The following SLC26A11 variants were observed in gnomAD, a reference collection of about 807,000 sequenced individuals.
The protein encoded by SLC26A11 is solute carrier family 26 member 11.
Under a neutral mutation model 62.2 loss-of-function variants are expected in SLC26A11, and 58 were observed. That is an observed-to-expected ratio of 0.93 (90% confidence interval 0.76 to 1.16). The LOEUF (loss-of-function observed/expected upper bound fraction) is 1.16, where lower values mean the gene tolerates loss of function less well. Among genes scored for constraint, SLC26A11 ranks in the 50% most tolerant of loss-of-function variants. The pLI, the probability that SLC26A11 is intolerant of heterozygous loss-of-function variation, is 0.00. For missense variants in SLC26A11, 790 were observed against 794.3 expected (o/e 0.99, Z 0.06); for synonymous variants, 411 against 368.9 (o/e 1.11, Z -1.31).
In SLC26A11 at chr17:80,222,681, C is replaced by G. The variant is rs1567941217; in HGVS notation, c.261C>G (p.Gly87=). 1.9e-6 allele frequency: 3 copies of G among 1,614,018 alleles called. No homozygotes were observed. In the African/African-American group the frequency reaches 4.0e-5, roughly 22 times the overall value. ...ATGGCCTCTACTCTGCCTTCATGGG[C>G]TGCTTCGTGTATTTCTTCCTGGGCA... ...PQYGLYSAFM[G]CFVYFFLGTS... Residue 87 remains glycine (G), a synonymous_variant, in exon 4 of 18, where the codon GGC becomes GGG. Coordinates refer to ENST00000361193, the MANE Select transcript of SLC26A11 (RefSeq NM_001166347.2). The surrounding 1 kb of genome is among the most constrained non-coding windows in gnomAD (Gnocchi z 4.7).
chr17:80,247,117 A>C (rs2043022968), intron 13 of SLC26A11, among the ~76,000 whole-genome samples: 1 of 150,222 alleles, frequency 6.7e-6, no homozygotes, highest in Non-Finnish European at 1.5e-5. Flanking sequence ...TGTTTCTTGC[A>C]GAGGGGGATT....
chr17:80,243,586 G>A (rs1181661552), intron 10 of SLC26A11, among the ~76,000 whole-genome samples: 3 of 152,140 alleles, frequency 2.0e-5, no homozygotes, highest in Admixed American at 1.3e-4. Context: ...TTAGTAGGAC[G>A]AGGTTTTGCC....
rs771689113 is a variant in SLC26A11 at position 80,237,562 on chromosome 17, T to C, written c.953T>C (p.Leu318Pro). The change falls in exon 9 of 18, where the codon CTC (leucine) becomes CCC (proline). Residue 318 changes from leucine (L) to proline (P), a missense_variant. Transcript: ENST00000361193. ...CTGGCCGTGGTGCCCCTGATGGGCC[T>C]CCTGGAGAGCATTGCGGTGGCCAAA... Reference protein sequence around the residue: ...AGLAVVPLMGLLESIAVAKAF... With the variant: ...AGLAVVPLMGPLESIAVAKAF... The C allele has an allele frequency of 6.8e-6, 11 of 1,612,308 alleles. No homozygotes were observed. Among genetic ancestry groups the C allele is most frequent in the Non-Finnish European group, 9.3e-6 (11 of 1,179,418 alleles).
In SLC26A11 at chr17:80,227,924, C is replaced by T. The variant is rs545801150; in HGVS notation, c.700C>T (p.Arg234Trp). 1.1e-5 allele frequency: 18 copies of T among 1,600,670 alleles called. No homozygotes were observed. The highest frequency in any genetic ancestry group is 1.7e-4 in the Middle Eastern group (1 of 6,056). ...CCACCCCGAGATGCCCCCTGGTGTG[C>T]GGCTCAGCCGTGGGCTGGTCTGGGC... ...PVHPEMPPGVRLSRGLVWAAT... is the reference protein window; with the variant it reads ...PVHPEMPPGVWLSRGLVWAAT... Residue 234 changes from arginine (R) to tryptophan (W), a missense_variant, in exon 7 of 18, where the codon CGG (arginine) becomes TGG (tryptophan). Transcript: ENST00000361193.
chr17:80,237,063 C>G lies in SLC26A11; in HGVS notation c.872C>G (p.Thr291Ser). ...PPVRIPPFSV[T>S]TANGTISFTE... Reference sequence around the variant, plus strand: ...GTCCGGATCCCGCCCTTCTCAGTGACCACAGCCAACGGGACGATCTCCTTC... The same window carrying G: ...GTCCGGATCCCGCCCTTCTCAGTGAGCACAGCCAACGGGACGATCTCCTTC... The change falls in exon 8 of 18, where the codon ACC becomes AGC. Residue 291 changes from threonine (T) to serine (S), a missense_variant. Coordinates refer to ENST00000361193, the MANE Select transcript of SLC26A11 (RefSeq NM_001166347.2). 1 of 1,613,920 alleles carries G rather than the reference C, an allele frequency of 6.2e-7. No homozygotes were observed. Among genetic ancestry groups the G allele is most frequent in the South Asian group, 1.1e-5 (1 of 91,074 alleles).
In SLC26A11 at chr17:80,228,844, G is replaced by A. The variant is rs2042486737; in HGVS notation, c.736+884G>A. On this transcript the variant is annotated intron_variant, in intron 7 of 17. Transcript: ENST00000361193. This position sits in a 1 kb window ranked among gnomAD's most constrained non-coding sequence, Gnocchi z 4.1. ...GCTTCAGGCGCGGAGGCTGCAGGCTGAGCCACAACCAACCAGGGGTCCTTT... is the reference window on the plus strand; with the variant it reads ...GCTTCAGGCGCGGAGGCTGCAGGCTAAGCCACAACCAACCAGGGGTCCTTT... Among the ~76,000 whole-genome samples, 1 of 152,236 alleles carries A rather than the reference G, an allele frequency of 6.6e-6. No individual in the cohort carries two copies. Among genetic ancestry groups the A allele is most frequent in the Admixed American group, 6.5e-5 (1 of 15,280 alleles).
rs1048959417 is a variant in SLC26A11, at chr17:80,249,386, T to C, written c.1656+99T>C. The C allele has an allele frequency of 5.4e-6, 8 of 1,484,510 alleles. No individual in the cohort carries two copies. The African/African-American group carries it at 1.1e-4, about 21-fold the overall frequency. The allele number at this position is 1,484,510 out of a possible 1,614,324, so 92.0% of individuals were successfully genotyped here. ...ATGTGACATCTCTGGGCTGTGATGC[T>C]GGACGGCCCTTCGGCCGGTGCTGGC... On this transcript the variant is annotated intron_variant, in intron 16 of 17. Coordinates refer to ENST00000361193, the MANE Select transcript of SLC26A11 (RefSeq NM_001166347.2).
At position 80,246,562 on chromosome 17, in the gene SLC26A11, C is replaced by G; in HGVS notation, c.1207C>G (p.Pro403Ala). 1.2e-6 allele frequency: 2 copies of G among 1,613,850 alleles called. No homozygotes were observed. The highest frequency in any genetic ancestry group is 4.5e-5 in the East Asian group (2 of 44,884). The change falls in exon 13 of 18, where the codon CCC becomes GCC. Residue 403 changes from proline (P) to alanine (A), a missense_variant. Transcript: ENST00000361193. This position sits in a 1 kb window ranked among gnomAD's most constrained non-coding sequence, Gnocchi z 4.4. Reference protein sequence around the residue: ...DYLTSLFYYIPKSALAAVIIM... With the variant: ...DYLTSLFYYIAKSALAAVIIM... ...CCTGACCTCACTGTTCTACTACATC[C>G]CCAAGTCTGCCCTGGCTGCCGTCAT...
Position 80,228,049 on chromosome 17 carries a change from C to T in SLC26A11, c.736+89C>T, listed in dbSNP as rs772149532. Reference sequence around the variant, plus strand: ...CCTAGTCCCACCCTAGGGATTCTCACGTCATTGGTCTGGGTGTCACTTGAG... The same window carrying T: ...CCTAGTCCCACCCTAGGGATTCTCATGTCATTGGTCTGGGTGTCACTTGAG... On this transcript the variant is annotated intron_variant, in intron 7 of 17. Coordinates refer to ENST00000361193, the MANE Select transcript of SLC26A11 (RefSeq NM_001166347.2). The surrounding 1 kb of genome is among the most constrained non-coding windows in gnomAD (Gnocchi z 4.1). 3.3e-5 allele frequency: 40 copies of T among 1,224,364 alleles called. No homozygotes were observed. The highest frequency in any genetic ancestry group is 7.5e-5 in the African/African-American group (5 of 66,758). The allele number at this position is 1,224,364 out of a possible 1,614,324, so 75.8% of individuals were successfully genotyped here.
Position 80,228,892 on chromosome 17 carries a change from C to T in SLC26A11, c.736+932C>T, listed in dbSNP as rs934458475. ...TTTGAGAAAGGGGTGGTGAGGGCTG[C>T]GTCGTGGAGGAGCAGGGCTGTCAGC... is the stretch of plus-strand genomic sequence containing the variant. On this transcript the variant is annotated intron_variant, in intron 7 of 17. Transcript: ENST00000361193. The surrounding 1 kb of genome is among the most constrained non-coding windows in gnomAD (Gnocchi z 4.1). Among the ~76,000 whole-genome samples the T allele has an allele frequency of 2.0e-5, 3 of 152,150 alleles. No individual in the cohort carries two copies. The highest frequency in any genetic ancestry group is 1.3e-4 in the Admixed American group (2 of 15,282).
At chr17:80,226,427 A>G (rs1335491221) in intron 6 of SLC26A11, among the ~76,000 whole-genome samples, 2 of 152,106 alleles carry the variant, frequency 1.3e-5, no homozygotes, top group Non-Finnish European at 2.9e-5. Flanking sequence ...ATGGCCGGAC[A>G]CTGTGGCTCA....
rs2042276304 is a variant in SLC26A11, at chr17:80,223,309, C to A, written c.485C>A (p.Ala162Asp). 1 of 1,614,058 alleles carries A rather than the reference C, an allele frequency of 6.2e-7. No individual in the cohort carries two copies. Among genetic ancestry groups the A allele is most frequent in the African/African-American group, 1.3e-5 (1 of 74,924 alleles). Residue 162 changes from alanine (A) to aspartate (D), a missense_variant, in exon 5 of 18, where the codon GCC becomes GAC. Ala to Asp is a moderately radical substitution (Grantham distance 126). Coordinates refer to ENST00000361193, the MANE Select transcript of SLC26A11 (RefSeq NM_001166347.2). This position sits in a 1 kb window ranked among gnomAD's most constrained non-coding sequence, Gnocchi z 4.6. ...ATTAAAGGCTTCACCTCTGCTGCTGCCGTCACCATCGGCTTTGGACAGATC... is the reference window on the plus strand; with the variant it reads ...ATTAAAGGCTTCACCTCTGCTGCTGACGTCACCATCGGCTTTGGACAGATC... ...PVIKGFTSAA[A>D]VTIGFGQIKN...
At chr17:80,224,456 A>C (rs564351394) in intron 5 of SLC26A11, among the ~76,000 whole-genome samples, 11 of 114,138 alleles carry the variant, frequency 9.6e-5, no homozygotes, top group African/African-American at 8.1e-5. Flanking sequence ...TGTGAGTGTG[A>C]GAGTGTGAGT....
At chr17:80,232,132 A>G (rs938700039) in intron 7 of SLC26A11, among the ~76,000 whole-genome samples, 3 of 152,102 alleles carry the variant, frequency 2.0e-5, no homozygotes, top group Non-Finnish European at 4.4e-5. Context: ...AAACATATAG[A>G]ATTATAATTT....
chr17:80,245,825 C>T (rs906685648), intron 11 of SLC26A11, among the ~76,000 whole-genome samples: 4 of 152,184 alleles, frequency 2.6e-5, no homozygotes, highest in Admixed American at 6.5e-5. Flanking sequence ...GAGAAGGAGG[C>T]GTCACCTGGC....
chr17:80,228,057 G>A lies in SLC26A11; in HGVS notation c.736+97G>A. ...CACCCTAGGGATTCTCACGTCATTG[G>A]TCTGGGTGTCACTTGAGCATTGGGA... On this transcript the variant is annotated intron_variant, in intron 7 of 17. Transcript: ENST00000361193. The surrounding 1 kb of genome is among the most constrained non-coding windows in gnomAD (Gnocchi z 4.1). 8.9e-7 allele frequency: 1 copy of A among 1,122,094 alleles called. No individual in the cohort carries two copies. Among genetic ancestry groups the A allele is most frequent in the Non-Finnish European group, 1.3e-6 (1 of 785,516 alleles). The allele number at this position is 1,122,094 out of a possible 1,614,324, so 69.5% of individuals were successfully genotyped here.
intron 16 of SLC26A11, among the ~76,000 whole-genome samples, chr17:80,251,057 G>C (rs767394288): frequency 1.3e-5 from 2 of 151,876 alleles, no homozygotes; most frequent in Non-Finnish European, 2.9e-5. Flanking sequence ...ACTTGAGTCT[G>C]GGAGGTTGAG....
In SLC26A11 at chr17:80,252,532, C is replaced by A; in HGVS notation, c.1730-93C>A. ...GCTCCTTCCTGCACACCTTCCAGGA[C>A]TCTGGAAGGCCCTCCTTAATCCCTT... On this transcript the variant is annotated intron_variant, in intron 17 of 17. Transcript: ENST00000361193. The surrounding 1 kb of genome is among the most constrained non-coding windows in gnomAD (Gnocchi z 5.2). The A allele has an allele frequency of 8.4e-7, 1 of 1,196,702 alleles. No homozygotes were observed. Among genetic ancestry groups the A allele is most frequent in the Non-Finnish European group, 1.2e-6 (1 of 835,206 alleles). The allele number at this position is 1,196,702 out of a possible 1,614,324, so 74.1% of individuals were successfully genotyped here. A position where few individuals can be genotyped will look rare whatever the true frequency, so the allele number is the denominator to read the frequency against.
chr17:80,223,605 G>A lies in SLC26A11; in HGVS notation c.513+268G>A, dbSNP rs1035386246. ...TAATTCCATCCCCCTGCTCTTGCCCGAGTTTCCGTGCCAGTGTGCTTGGCT... is the reference window on the plus strand; with the variant it reads ...TAATTCCATCCCCCTGCTCTTGCCCAAGTTTCCGTGCCAGTGTGCTTGGCT... On this transcript the variant is annotated intron_variant, in intron 5 of 17. Transcript: ENST00000361193. This position sits in a 1 kb window ranked among gnomAD's most constrained non-coding sequence, Gnocchi z 4.6. Among the ~76,000 whole-genome samples, 15 of 152,204 alleles carry A rather than the reference G, an allele frequency of 9.9e-5. No homozygotes were observed. Among genetic ancestry groups the A allele is most frequent in the Admixed American group, 6.5e-5 (1 of 15,282 alleles).
Sources: gnomAD v4.1 joint callset for allele counts (sites outside exome capture counted in the v4.1 genomes callset) on GRCh38, gnomAD v4.1.1 for gene constraint, Gnocchi (gnomAD v3.1) non-coding constraint, MANE v1.5 for transcripts, NCBI Gene and HGNC (gene_info 2026-07-23, HGNC 2026-07-21) for gene names.